Variants in ZBTB1 observed in about 807,000 individuals in gnomAD.
The protein encoded by ZBTB1 is zinc finger and BTB domain containing 1.
ZBTB1 carries 13 observed loss-of-function variants against 51.6 expected under a neutral mutation model. That is an observed-to-expected ratio of 0.25 (90% CI 0.16 to 0.40). The LOEUF is 0.40. Among genes scored for constraint, ZBTB1 ranks in the 10% least tolerant of loss-of-function variants. The pLI is 1.00. For missense variants in ZBTB1, 567 were observed against 856.5 expected, an observed-to-expected ratio of 0.66 and a Z score of 4.22; for synonymous variants, 240 against 282.2, an observed-to-expected ratio of 0.85 and a Z score of 1.50.
intron 1 of ZBTB1, among the ~76,000 whole-genome samples, chr14:64,519,416 G>A (rs917152715): frequency 1.5e-4 from 23 of 150,286 alleles, no homozygotes; most frequent in Non-Finnish European, 2.1e-4. Context: ...GGGATTACAG[G>A]CATGAGCCAC....
At chr14:64,514,656 A>C (rs185414405) in intron 1 of ZBTB1, among the ~76,000 whole-genome samples, 59 of 152,372 alleles carry the variant, frequency 3.9e-4, no homozygotes, top group Middle Eastern at 3.4e-3. Flanking sequence ...ATTGAATAAG[A>C]CTAGATTGAC....
chr14:64,521,943 G>A lies in ZBTB1; in HGVS notation c.439G>A (p.Asp147Asn). The A allele has an allele frequency of 6.2e-7, 1 of 1,614,216 alleles. No homozygotes were observed. The highest frequency in any genetic ancestry group is 8.5e-7 in the Non-Finnish European group (1 of 1,180,046). Residue 147 changes from aspartate (D) to asparagine (N), a missense_variant, in exon 2 of 2, where the codon GAT becomes AAT. Around this residue, in one of 5 missense-constraint regions of ZBTB1, gnomAD observed 74 missense variants for 74.9 expected, o/e 0.99. Coordinates refer to ENST00000683701, the MANE Select transcript of ZBTB1 (RefSeq NM_001123329.2). The part of the protein sequence containing the change: ...KMIFGVRMYE[D>N]TVARNGNEAN... ...GATATTTGGGGTAAGAATGTATGAAGATACTGTGGCTCGAAATGGCAATGA... is the reference window on the plus strand; with the variant it reads ...GATATTTGGGGTAAGAATGTATGAAAATACTGTGGCTCGAAATGGCAATGA...
exon 3 of ZBTB1, chr14:64,532,158 T>A: frequency 2.5e-6 from 1 of 394,922 alleles, no homozygotes. Flanking sequence ...AACTAGAAAA[T>A]TCATACAACA....
exon 3 of ZBTB1, chr14:64,532,108 T>C (rs1566639770): frequency 1.2e-5 from 6 of 512,998 alleles, no homozygotes; most frequent in Admixed American, 1.1e-4. Flanking sequence ...AATTGATTCA[T>C]GGTGACTCTA....
rs10891 is a variant in ZBTB1, at chr14:64,523,908, T to C, written c.*262T>C. ...AAAATTTTTAAATGTAGACTACAAGTGGTTGTTACCCATTCAATGACTATT... is the reference window on the plus strand; with the variant it reads ...AAAATTTTTAAATGTAGACTACAAGCGGTTGTTACCCATTCAATGACTATT... On this transcript the variant is annotated 3_prime_UTR_variant, in exon 2 of 2. Transcript: ENST00000683701. The surrounding 1 kb of genome is among the most constrained non-coding windows in gnomAD (Gnocchi z 4.5). 0.079 allele frequency: 90,871 copies of C among 1,149,262 alleles called. 3,879 individuals carry two copies. The highest frequency in any genetic ancestry group is 0.086 in the Non-Finnish European group (79,562 of 924,996). 71.2% of individuals were successfully genotyped at this position (1,149,262 alleles called of 1,614,324 possible). A position where few individuals can be genotyped will look rare whatever the true frequency, so the allele number is the denominator to read the frequency against.
Position 64,522,300 on chromosome 14 carries a change from G to C in ZBTB1, c.796G>C (p.Ala266Pro). The change falls in exon 2 of 2, where the codon GCT becomes CCT. Residue 266 changes from alanine (A) to proline (P), a missense_variant. Ala to Pro is a conservative substitution (Grantham distance 27, BLOSUM62 -1). Around this residue, in one of 5 missense-constraint regions of ZBTB1, gnomAD observed 329 missense variants for 406.3 expected, o/e 0.81. Coordinates refer to ENST00000683701, the MANE Select transcript of ZBTB1 (RefSeq NM_001123329.2). The part of the protein sequence containing the change: ...IRDGKDSNIK[A>P]EFGEKDSSKT... ...AGATGGAAAAGACAGTAACATCAAA[G>C]CTGAATTTGGTGAAAAAGATTCTTC... 6.2e-7 allele frequency: 1 copy of C among 1,614,140 alleles called. No homozygotes were observed. The highest frequency in any genetic ancestry group is 1.1e-5 in the South Asian group (1 of 91,068).
intron 1 of ZBTB1, among the ~76,000 whole-genome samples, chr14:64,519,620 A>C (rs1041560967): frequency 1.3e-5 from 2 of 151,400 alleles, no homozygotes; most frequent in African/African-American, 2.4e-5. Flanking sequence ...AAAAAAAAAA[A>C]AACAAAAAAA....
intron 1 of ZBTB1, among the ~76,000 whole-genome samples, chr14:64,510,549 C>G (rs1304948911): frequency 6.6e-6 from 1 of 152,094 alleles, no homozygotes; most frequent in Admixed American, 6.5e-5. Context: ...CCCAAAGAAC[C>G]AATCGGCATG....
rs2079866944 is a variant in ZBTB1 at position 64,522,209 on chromosome 14, G to T, written c.705G>T (p.Val235=). The stretch of plus-strand genomic sequence containing the variant: ...GTGAAAAATTATTAGATGAGCATGT[G>T]CTAACCTGTACTAACAGACATTTAT... ...FSCEKLLDEH[V]LTCTNRHLYQ... Residue 235 remains valine, a synonymous_variant, in exon 2 of 2, where the codon GTG becomes GTT. Transcript: ENST00000683701. The T allele has an allele frequency of 6.2e-7, 1 of 1,614,088 alleles. No homozygotes were observed. Among genetic ancestry groups the T allele is most frequent in the Non-Finnish European group, 8.5e-7 (1 of 1,180,046 alleles).
intron 1 of ZBTB1, among the ~76,000 whole-genome samples, chr14:64,511,892 A>G (rs2079728189): frequency 6.6e-6 from 1 of 152,214 alleles, no homozygotes; most frequent in African/African-American, 2.4e-5. Context: ...GGGTGATGCT[A>G]TATGTGTAGG....
Position 64,523,899 on chromosome 14 carries a change from G to C in ZBTB1, c.*253G>C. ...GCTATGATTAAAATTTTTAAATGTA[G>C]ACTACAAGTGGTTGTTACCCATTCA... On this transcript the variant is annotated 3_prime_UTR_variant, in exon 2 of 2. Coordinates refer to ENST00000683701, the MANE Select transcript of ZBTB1 (RefSeq NM_001123329.2). The surrounding 1 kb of genome is among the most constrained non-coding windows in gnomAD (Gnocchi z 4.5). 8.6e-7 allele frequency: 1 copy of C among 1,166,944 alleles called. No individual in the cohort carries two copies. Among genetic ancestry groups the C allele is most frequent in the South Asian group, 3.3e-5 (1 of 30,090 alleles). 72.3% of individuals were successfully genotyped at this position (1,166,944 alleles called of 1,614,324 possible).
Position 64,522,612 on chromosome 14 carries a change from T to G in ZBTB1, c.1108T>G (p.Tyr370Asp). The G allele has an allele frequency of 6.2e-7, 1 of 1,614,156 alleles. No homozygotes were observed. Among genetic ancestry groups the G allele is most frequent in the Non-Finnish European group, 8.5e-7 (1 of 1,180,012 alleles). ...ELEDEPEEPF[Y>D]RYYVEEDVSI... ...AGAAGATGAACCTGAAGAGCCATTT[T>G]ATAGATACTATGTTGAAGAAGATGT... is the stretch of plus-strand genomic sequence containing the variant. The change falls in exon 2 of 2, where the codon TAT (tyrosine) becomes GAT (aspartate). Residue 370 changes from tyrosine (Y) to aspartate (D), a missense_variant. Around this residue, in one of 5 missense-constraint regions of ZBTB1, gnomAD observed 329 missense variants for 406.3 expected, o/e 0.81. Coordinates refer to ENST00000683701, the MANE Select transcript of ZBTB1 (RefSeq NM_001123329.2).
rs2079892382 is a variant in ZBTB1 at position 64,524,878 on chromosome 14, G to A, written c.*1232G>A. On this transcript the variant is annotated 3_prime_UTR_variant, in exon 2 of 2. Coordinates refer to ENST00000683701, the MANE Select transcript of ZBTB1 (RefSeq NM_001123329.2). Reference sequence around the variant, plus strand: ...AGTATTGTTAGTTGTTGCTGACACAGGGTCTACATAATTACATGTGAATTA... The same window carrying A: ...AGTATTGTTAGTTGTTGCTGACACAAGGTCTACATAATTACATGTGAATTA... The A allele has an allele frequency of 2.0e-6, 2 of 985,156 alleles. No homozygotes were observed. Among genetic ancestry groups the A allele is most frequent in the East Asian group, 2.3e-4 (2 of 8,830 alleles). 61.0% of individuals were successfully genotyped at this position (985,156 alleles called of 1,614,324 possible). A position where few individuals can be genotyped will look rare whatever the true frequency, so the allele number is the denominator to read the frequency against.
chr14:64,513,040 T>C (rs370390268), intron 1 of ZBTB1, among the ~76,000 whole-genome samples: 2 of 152,194 alleles, frequency 1.3e-5, no homozygotes, highest in Non-Finnish European at 2.9e-5. Context: ...ATGAGTCTTA[T>C]AGCAGCATCT....
At chr14:64,518,547 T>C (rs1041167340) in intron 1 of ZBTB1, 1 of 152,116 alleles carries the variant, frequency 6.6e-6, no homozygotes, top group Non-Finnish European at 1.5e-5. Context: ...CGCTGAGGAA[T>C]GGATAAAAAG....
chr14:64,527,029 G>A (rs1351802959), downstream of ZBTB1, among the ~76,000 whole-genome samples: 1 of 152,096 alleles, frequency 6.6e-6, no homozygotes, highest in Non-Finnish European at 1.5e-5. Context: ...CTGGGTGACA[G>A]AGTGAGACTC....
At chr14:64,505,244 G>C (rs558018856) in intron 1 of ZBTB1, 1 of 220,742 alleles carries the variant, frequency 4.5e-6, no homozygotes, top group African/African-American at 2.3e-5. Context: ...TTTTTTTCGA[G>C]GGGGGAGGGG....
rs1226307847 is a variant in ZBTB1 at position 64,504,857 on chromosome 14, C to T, written c.-108C>T. ...GCCGCGCGCCGCCGCCACTGCAGCT[C>T]GCGGCCCCTTCGCCTTCGCCCGCCT... On this transcript the variant is annotated 5_prime_UTR_variant, in exon 1 of 2. Transcript: ENST00000683701. The T allele has an allele frequency of 7.6e-6, 3 of 396,902 alleles. No homozygotes were observed. The highest frequency in any genetic ancestry group is 1.3e-5 in the Non-Finnish European group (3 of 225,280). 24.6% of individuals were successfully genotyped at this position (396,902 alleles called of 1,614,324 possible). A position where few individuals can be genotyped will look rare whatever the true frequency, so the allele number is the denominator to read the frequency against.
intron 1 of ZBTB1, chr14:64,505,283 G>C (rs2140060236): frequency 5.5e-6 from 1 of 182,108 alleles, no homozygotes; most frequent in Non-Finnish European, 1.1e-5. Flanking sequence ...GGAGAACCCG[G>C]TTGATTGACG....
Sources: allele counts gnomAD v4.1 joint callset (sites outside exome capture counted in the v4.1 genomes callset), GRCh38; gene constraint gnomAD v4.1.1; regional missense constraint gnomAD v4.1.1; non-coding constraint Gnocchi (gnomAD v3.1); transcripts MANE v1.5; gene names NCBI Gene and HGNC (gene_info 2026-07-23, HGNC 2026-07-21).